ELOVL2: variants seen among roughly 807,000 people sequenced by gnomAD.
ELOVL2 encodes very long chain fatty acid elongase 2.
In ELOVL2, 38 loss-of-function variants were observed where a neutral mutation model predicts 37.7. The ratio of observed to expected loss-of-function variants is 1.01; its 90% confidence interval spans 0.78 to 1.32. ELOVL2 has a LOEUF of 1.32. Ranked by LOEUF, ELOVL2 falls within the 40% of genes most tolerant of loss-of-function variation. The pLI is 0.00. For missense variants in ELOVL2, 352 were observed against 363.6 expected (o/e 0.97, Z 0.26); for synonymous variants, 115 against 122.3 (o/e 0.94, Z 0.40).
At chr6:11,042,393 A>T (rs1474495903) in intron 1 of ELOVL2, among the ~76,000 whole-genome samples, 3 of 142,352 alleles carry the variant, frequency 2.1e-5, no homozygotes, top group African/African-American at 7.3e-5. Flanking sequence ...ACAGTTTCTG[A>T]GAAATACTTA....
intron 1 of ELOVL2, among the ~76,000 whole-genome samples, chr6:11,034,363 G>C (rs765947817): frequency 1.3e-5 from 2 of 152,054 alleles, no homozygotes; most frequent in Non-Finnish European, 2.9e-5. Flanking sequence ...CCATTATCCT[G>C]TTGGTCCACA....
chr6:11,016,216 T>C (rs1335389765), intron 1 of ELOVL2, among the ~76,000 whole-genome samples: 1 of 71,862 alleles, frequency 1.4e-5, no homozygotes, highest in Non-Finnish European at 3.0e-5. Context: ...TTCTGGTTTT[T>C]GGTATTTGTC....
At chr6:11,031,750 C>T (rs955789486) in intron 1 of ELOVL2, among the ~76,000 whole-genome samples, 1 of 152,114 alleles carries the variant, frequency 6.6e-6, no homozygotes, top group Non-Finnish European at 1.5e-5. Flanking sequence ...GAAATTATTC[C>T]TGCCATAACC....
intron 5 of ELOVL2, among the ~76,000 whole-genome samples, chr6:10,994,012 CAAA>C (rs767420973): frequency 4.7e-5 from 5 of 106,120 alleles, no homozygotes; most frequent in Admixed American, 1.0e-4. Flanking sequence ...CCAGCCCTAC[CAAA>C]AAAAAAAAAA....
intron 1 of ELOVL2, among the ~76,000 whole-genome samples, chr6:11,037,768 T>A (rs1161272504): frequency 6.6e-6 from 1 of 152,240 alleles, no homozygotes; most frequent in Non-Finnish European, 1.5e-5. Context: ...TACATATGGA[T>A]GTTGTTCACA....
chr6:11,003,300 C>T (rs1782422541), intron 3 of ELOVL2, among the ~76,000 whole-genome samples: 1 of 152,160 alleles, frequency 6.6e-6, no homozygotes, highest in Admixed American at 6.5e-5. Context: ...GCTCTCCCTA[C>T]CCTTGCTCCC....
At chr6:11,009,942 A>T (rs1782543520) in intron 2 of ELOVL2, among the ~76,000 whole-genome samples, 1 of 152,100 alleles carries the variant, frequency 6.6e-6, no homozygotes, top group South Asian at 2.1e-4. Flanking sequence ...CAGTACAGTA[A>T]GCGACTGGTG....
At chr6:11,013,640 A>C (rs993675256) in intron 1 of ELOVL2, among the ~76,000 whole-genome samples, 5 of 152,214 alleles carry the variant, frequency 3.3e-5, no homozygotes, top group Admixed American at 2.0e-4. Flanking sequence ...GGAAAGTGAG[A>C]CATAGAAAGT....
Position 10,995,138 on chromosome 6 carries a change from A to G in ELOVL2, c.374T>C (p.Val125Ala), listed in dbSNP as rs764703919. 10 of 1,613,110 alleles carry G rather than the reference A, an allele frequency of 6.2e-6. No individual in the cohort carries two copies. The South Asian group carries it at 9.9e-5, about 16-fold the overall frequency. Reference sequence around the variant, plus strand: ...GAAGAAAATTGTGTCCAGGAACTCTACTGATTTGGAGAAATAGTACCACCA... The same window carrying G: ...GAAGAAAATTGTGTCCAGGAACTCTGCTGATTTGGAGAAATAGTACCACCA... ...VLWWYYFSKSVEFLDTIFFVL... is the reference protein window; with the variant it reads ...VLWWYYFSKSAEFLDTIFFVL... The change falls in exon 5 of 8, where the codon GTA becomes GCA. Residue 125 changes from valine (V) to alanine (A), a missense_variant. Val to Ala is a moderately conservative substitution (Grantham distance 64). Coordinates refer to ENST00000354666, the MANE Select transcript of ELOVL2 (RefSeq NM_017770.4).
At chr6:11,037,135 G>GGA (rs1445328485) in intron 1 of ELOVL2, among the ~76,000 whole-genome samples, 1 of 146,258 alleles carries the variant, frequency 6.8e-6, no homozygotes, top group Non-Finnish European at 1.5e-5. Context: ...AGACAGAGAG[G>GGA]GAGAGAGAGA....
intron 5 of ELOVL2, among the ~76,000 whole-genome samples, chr6:10,991,321 C>T (rs1487713300): frequency 1.3e-5 from 2 of 152,210 alleles, no homozygotes; most frequent in African/African-American, 4.8e-5. Flanking sequence ...GAATGCTCTT[C>T]AGCTGTCAGC....
At chr6:11,010,476 G>T (rs911954526) in intron 2 of ELOVL2, among the ~76,000 whole-genome samples, 1 of 152,216 alleles carries the variant, frequency 6.6e-6, no homozygotes, top group East Asian at 1.9e-4. Flanking sequence ...CGGCTTTGTA[G>T]CCAGACAGAC....
Position 11,044,252 on chromosome 6 carries a change from G to T in ELOVL2, c.-22C>A. ...CCATGATCCGCAGCGGCTGTGGCGC[G>T]GCGACCCGGGCGGGCGGCGATGCGC... is the stretch of plus-strand genomic sequence containing the variant. On this transcript the variant is annotated 5_prime_UTR_variant, in exon 1 of 8. Coordinates refer to ENST00000354666, the MANE Select transcript of ELOVL2 (RefSeq NM_017770.4). This position sits in a 1 kb window ranked among gnomAD's most constrained non-coding sequence, Gnocchi z 5.6. 1 of 1,335,486 alleles carries T rather than the reference G, an allele frequency of 7.5e-7. No homozygotes were observed. Among genetic ancestry groups the T allele is most frequent in the South Asian group, 2.0e-5 (1 of 48,786 alleles). The allele number at this position is 1,335,486 out of a possible 1,614,324, so 82.7% of individuals were successfully genotyped here.
rs139892450 is a variant in ELOVL2 at position 11,005,011 on chromosome 6, T to C, written c.255+361A>G. Among the ~76,000 whole-genome samples the C allele has an allele frequency of 7.2e-5, 11 of 152,240 alleles. No homozygotes were observed. In the East Asian group the frequency reaches 2.1e-3, roughly 29 times the overall value. On this transcript the variant is annotated intron_variant, in intron 3 of 7. Coordinates refer to ENST00000354666, the MANE Select transcript of ELOVL2 (RefSeq NM_017770.4). ...CTGTCTGTACTAAAATTACAAAAAGTAGCCGGGCATGGTGGGGAGTACCTG... is the reference window on the plus strand; with the variant it reads ...CTGTCTGTACTAAAATTACAAAAAGCAGCCGGGCATGGTGGGGAGTACCTG...
At position 10,995,170 on chromosome 6, in the gene ELOVL2, C is replaced by G. The variant is rs147119821; in HGVS notation, c.342G>C (p.Lys114Asn). 4 of 1,603,144 alleles carry G rather than the reference C, an allele frequency of 2.5e-6. No homozygotes were observed. The African/African-American group carries it at 5.4e-5, about 22-fold the overall frequency. ...TGGAGAAATAGTACCACCAAAGCAC[C>G]TTGGCTACCTATAGAAATTTGTAAA... ...SAGEADIRVA[K>N]VLWWYYFSKS... Residue 114 changes from lysine (K) to asparagine (N), a missense_variant, in exon 5 of 8, where the codon AAG becomes AAC. Physicochemically the swap from Lys to Asn is moderately conservative, Grantham distance 94 (BLOSUM62 0). Coordinates refer to ENST00000354666, the MANE Select transcript of ELOVL2 (RefSeq NM_017770.4).
chr6:11,005,723 C>T (rs1417858501), intron 2 of ELOVL2, among the ~76,000 whole-genome samples, 164 bp from the exon 3 acceptor site: 1 of 152,102 alleles, frequency 6.6e-6, no homozygotes, highest in East Asian at 1.9e-4. Flanking sequence ...AAGAGGAAGC[C>T]TGTGGGCTGA....
rs887945538 is a variant in ELOVL2, at chr6:11,044,285, G to C, written c.-55C>G. On this transcript the variant is annotated 5_prime_UTR_variant, in exon 1 of 8. Coordinates refer to ENST00000354666, the MANE Select transcript of ELOVL2 (RefSeq NM_017770.4). The surrounding 1 kb of genome is among the most constrained non-coding windows in gnomAD (Gnocchi z 5.6). ...GGGCGGGCGGCGATGCGCTGTCCAG[G>C]GTAGCCGGGTCCCTCTGCCCGGCGC... 2 of 1,263,298 alleles carry C rather than the reference G, an allele frequency of 1.6e-6. No homozygotes were observed. The highest frequency in any genetic ancestry group is 3.1e-5 in the African/African-American group (2 of 63,784). The allele number at this position is 1,263,298 out of a possible 1,614,324, so 78.3% of individuals were successfully genotyped here.
At chr6:11,034,039 T>A (rs908896859) in intron 1 of ELOVL2, among the ~76,000 whole-genome samples, 1 of 152,184 alleles carries the variant, frequency 6.6e-6, no homozygotes, top group African/African-American at 2.4e-5. Context: ...GACTAAACAA[T>A]TAGTAAGAAG....
Position 10,994,881 on chromosome 6 carries a change from G to A in ELOVL2, c.505+126C>T, listed in dbSNP as rs1029304715. ...CTGGCAGACACGGGCATCCTGCTGCGGCAAGGCCGGCGCTCTAGGCCTCCC... is the reference window on the plus strand; with the variant it reads ...CTGGCAGACACGGGCATCCTGCTGCAGCAAGGCCGGCGCTCTAGGCCTCCC... On this transcript the variant is annotated intron_variant, in intron 5 of 7. Coordinates refer to ENST00000354666, the MANE Select transcript of ELOVL2 (RefSeq NM_017770.4). The A allele has an allele frequency of 2.9e-5, 21 of 718,134 alleles. 1 individual carries two copies. Among genetic ancestry groups the A allele is most frequent in the African/African-American group, 5.5e-5 (3 of 55,010 alleles). The allele number at this position is 718,134 out of a possible 1,614,324, so 44.5% of individuals were successfully genotyped here. A position where few individuals can be genotyped will look rare whatever the true frequency, so the allele number is the denominator to read the frequency against.
Sources: gnomAD v4.1 joint callset for allele counts (sites outside exome capture counted in the v4.1 genomes callset) on GRCh38, gnomAD v4.1.1 for gene constraint, Gnocchi (gnomAD v3.1) non-coding constraint, MANE v1.5 for transcripts, NCBI Gene and HGNC (gene_info 2026-07-23, HGNC 2026-07-21) for gene names.